The following MYL12A variants were observed in gnomAD, a reference collection of about 807,000 sequenced individuals.
The protein encoded by MYL12A is myosin light chain 12A.
MYL12A carries 11 observed loss-of-function variants against 13.3 expected under a neutral mutation model. The ratio of observed to expected loss-of-function variants is 0.83; its 90% CI spans 0.52 to 1.37. The LOEUF (loss-of-function observed/expected upper bound fraction) is 1.37, where lower values mean the gene tolerates loss of function less well. MYL12A is among the 40% of genes most tolerant of loss of function. The pLI, the probability that MYL12A is intolerant of heterozygous loss-of-function variation, is 0.00. For synonymous variants in MYL12A, 51 were observed against 69.9 expected (o/e 0.73, Z 1.35); for missense variants, 146 against 212.3 (o/e 0.69, Z 1.94).
chr18:3,253,286 C>T lies in MYL12A; in HGVS notation c.39C>T (p.Arg13=). 1 of 1,613,948 alleles carries T rather than the reference C, an allele frequency of 6.2e-7. No individual in the cohort carries two copies. Among genetic ancestry groups the T allele is most frequent in the Non-Finnish European group, 8.5e-7 (1 of 1,179,854 alleles). Reference sequence around the variant, plus strand: ...GAACAAAGACCAAGACCAAGAAGCGCCCTCAGCGTGCAACATCCAATGTGT... The same window carrying T: ...GAACAAAGACCAAGACCAAGAAGCGTCCTCAGCGTGCAACATCCAATGTGT... ...SKRTKTKTKK[R]PQRATSNVFA... Residue 13 remains arginine (R), a synonymous_variant, in exon 2 of 4, where the codon CGC becomes CGT. Coordinates refer to ENST00000217652, the MANE Select transcript of MYL12A (RefSeq NM_006471.4).
chr18:3,252,241 G>T, intron 1 of MYL12A: 1 of 1,202,128 alleles, frequency 8.3e-7, no homozygotes, highest in South Asian at 1.4e-5. Flanking sequence ...AGACCTGCTT[G>T]GAAGAATATA....
intron 1 of MYL12A, among the ~76,000 whole-genome samples, chr18:3,252,678 T>C (rs2081497729): frequency 6.6e-6 from 1 of 152,238 alleles, no homozygotes; most frequent in African/African-American, 2.4e-5. Flanking sequence ...TCAGTTTTTT[T>C]ATACTTTACT....
chr18:3,253,519 T>C lies in MYL12A; in HGVS notation c.181+91T>C. The C allele has an allele frequency of 2.1e-6, 3 of 1,446,782 alleles. No individual in the cohort carries two copies. In the South Asian group the frequency reaches 3.9e-5, roughly 19 times the overall value. The allele number at this position is 1,446,782 out of a possible 1,614,324, so 89.6% of individuals were successfully genotyped here. A position where few individuals can be genotyped will look rare whatever the true frequency, so the allele number is the denominator to read the frequency against. ...ATGAGTCTTAAAGCTCTGTAAAGCC[T>C]GTCTAATGAGTCTACTAAGGTTTGA... On this transcript the variant is annotated intron_variant, in intron 2 of 3. Transcript: ENST00000217652.
intron 1 of MYL12A, chr18:3,249,536 G>A (rs1372442413): frequency 6.6e-6 from 1 of 152,182 alleles, no homozygotes; most frequent in East Asian, 1.9e-4. Context: ...GTAGAAGCCT[G>A]TTCTGTAAGT....
chr18:3,253,454 T>C, intron 2 of MYL12A, 26 bp downstream of exon 2: 1 of 1,603,640 alleles, frequency 6.2e-7, no homozygotes, highest in African/African-American at 1.3e-5. Flanking sequence ...AATATTAATC[T>C]ATTGGATAGA....
At position 3,255,999 on chromosome 18, in the gene MYL12A, A is replaced by G; in HGVS notation, c.*81A>G. On this transcript the variant is annotated 3_prime_UTR_variant, in exon 4 of 4. Transcript: ENST00000217652. ...TTTTCTCTTGCATGCCCTTAGCTTT[A>G]CAGCTTTTGCATTTCCTGTTGTATT... The G allele has an allele frequency of 1.3e-6, 2 of 1,517,272 alleles. No individual in the cohort carries two copies. The highest frequency in any genetic ancestry group is 3.5e-4 in the Middle Eastern group (2 of 5,778). 94.0% of individuals were successfully genotyped at this position (1,517,272 alleles called of 1,614,324 possible).
intron 3 of MYL12A, 78 bp downstream of exon 3, chr18:3,254,128 T>C: frequency 6.7e-7 from 1 of 1,491,258 alleles, no homozygotes; most frequent in Non-Finnish European, 9.1e-7. Context: ...TAACTTAAAA[T>C]ATGATAACGC....
At chr18:3,250,289 G>C (rs967858108) in intron 1 of MYL12A, among the ~76,000 whole-genome samples, 13 of 152,214 alleles carry the variant, frequency 8.5e-5, no homozygotes, top group Non-Finnish European at 1.0e-4. Context: ...TGAGAGTTGT[G>C]CATTTGCTGA....
intron 1 of MYL12A, 29 bp from the exon 2 acceptor site, chr18:3,253,204 G>A: frequency 6.4e-7 from 1 of 1,570,936 alleles, no homozygotes; most frequent in South Asian, 1.2e-5. Context: ...TGTTGATTTG[G>A]TTTTTATTGT....
Position 3,253,378 on chromosome 18 carries a change from G to A in MYL12A, c.131G>A (p.Arg44Lys). The A allele has an allele frequency of 6.2e-7, 1 of 1,613,888 alleles. No individual in the cohort carries two copies. The highest frequency in any genetic ancestry group is 8.5e-7 in the Non-Finnish European group (1 of 1,179,806). The change falls in exon 2 of 4, where the codon AGA becomes AAA. Residue 44 changes from arginine (R) to lysine (K), a missense_variant. By Grantham distance (26) the Arg-to-Lys change is conservative. Transcript: ENST00000217652. ...KEAFNMIDQN[R>K]DGFIDKEDLH... ...GCCTTCAACATGATTGATCAGAACA[G>A]AGATGGTTTCATCGACAAGGAAGAT...
intron 1 of MYL12A, 148 bp from the exon 2 acceptor site, chr18:3,253,085 A>G: frequency 3.9e-6 from 3 of 772,318 alleles, no homozygotes; most frequent in Non-Finnish European, 4.1e-6. Context: ...AATCTTGTTG[A>G]GATGTGTCTT....
intron 1 of MYL12A, among the ~76,000 whole-genome samples, chr18:3,250,364 A>G (rs890387054): frequency 1.4e-5 from 2 of 147,870 alleles, no homozygotes; most frequent in East Asian, 4.2e-4. Context: ...ACAACAAACT[A>G]GAATCAGCAA....
chr18:3,251,368 C>T (rs1253330053), intron 1 of MYL12A, among the ~76,000 whole-genome samples: 1 of 152,090 alleles, frequency 6.6e-6, no homozygotes, highest in Admixed American at 6.5e-5. Flanking sequence ...GCCGTTTGAC[C>T]TCATCAGTTT....
At position 3,256,136 on chromosome 18, in the gene MYL12A, C is replaced by T. The variant is rs1199494425; in HGVS notation, c.*218C>T. 16 of 598,066 alleles carry T rather than the reference C, an allele frequency of 2.7e-5. No individual in the cohort carries two copies. Among genetic ancestry groups the T allele is most frequent in the Non-Finnish European group, 3.7e-5 (13 of 350,134 alleles). The allele number at this position is 598,066 out of a possible 1,614,324, so 37.0% of individuals were successfully genotyped here. ...AGGATAATTTAACCTACCAGCCCTT[C>T]TCCCCCAATAACTGTGGTCTATACA... On this transcript the variant is annotated 3_prime_UTR_variant, in exon 4 of 4. Transcript: ENST00000217652.
intron 1 of MYL12A, among the ~76,000 whole-genome samples, chr18:3,250,531 CA>C (rs1201779943): frequency 2.0e-5 from 3 of 152,180 alleles, no homozygotes; most frequent in African/African-American, 7.2e-5. Context: ...ACTGTGCAGC[CA>C]AACTCCCTAT....
intron 1 of MYL12A, among the ~76,000 whole-genome samples, chr18:3,250,678 A>C (rs1338290834): frequency 2.6e-5 from 4 of 152,188 alleles, no homozygotes; most frequent in Non-Finnish European, 5.9e-5. Flanking sequence ...ATTTGTTAGA[A>C]TTGAGACTAA....
chr18:3,255,701 C>T, intron 3 of MYL12A, 45 bp from the exon 4 acceptor site: 1 of 1,564,016 alleles, frequency 6.4e-7, no homozygotes, highest in Non-Finnish European at 8.7e-7. Context: ...TGTAATTAAC[C>T]CTCAGAATAG....
Position 3,252,448 on chromosome 18 carries a change from T to G in MYL12A, c.-15-785T>G, listed in dbSNP as rs919792262. 15 of 1,296,622 alleles carry G rather than the reference T, an allele frequency of 1.2e-5. 2 individuals carry two copies. The highest frequency in any genetic ancestry group is 5.2e-4 in the Middle Eastern group (2 of 3,842). The allele number at this position is 1,296,622 out of a possible 1,614,324, so 80.3% of individuals were successfully genotyped here. On this transcript the variant is annotated intron_variant, in intron 1 of 3. Transcript: ENST00000217652. Reference sequence around the variant, plus strand: ...TTTAGGTATTATTAGACATTCTTTTTAATTTTAACTTAAATTTTACCGGGA... The same window carrying G: ...TTTAGGTATTATTAGACATTCTTTTGAATTTTAACTTAAATTTTACCGGGA...
At chr18:3,252,489 G>C in intron 1 of MYL12A, 1 of 1,257,156 alleles carries the variant, frequency 8.0e-7, no homozygotes, top group Non-Finnish European at 1.0e-6. Context: ...TTAGGTAAGA[G>C]AGCAAAGGTA....
Sources: gnomAD v4.1 joint callset for allele counts (sites outside exome capture counted in the v4.1 genomes callset) on GRCh38, gnomAD v4.1.1 for gene constraint, MANE v1.5 for transcripts, NCBI Gene and HGNC (gene_info 2026-07-23, HGNC 2026-07-21) for gene names.